Variants in DISC1 observed in about 807,000 individuals in gnomAD.
DISC1 encodes the protein disrupted in schizophrenia 1 protein.
A neutral mutation model predicts 84.5 loss-of-function variants in DISC1; 57 were observed. That is an observed-to-expected ratio of 0.67 (90% CI 0.55 to 0.84). The LOEUF (loss-of-function observed/expected upper bound fraction) is 0.84. Ranked by LOEUF, DISC1 falls within the 40% of genes least tolerant of loss-of-function variation. The probability of loss-of-function intolerance (pLI) is 0.00; values close to 1 mark genes in which losing one functional copy is unlikely to be tolerated. For missense variants in DISC1, 1,000 were observed against 1,057.8 expected, an observed-to-expected ratio of 0.95 and a Z score of 0.76; for synonymous variants, 411 against 415.2, an observed-to-expected ratio of 0.99 and a Z score of 0.12.
intron 3 of DISC1, among the ~76,000 whole-genome samples, chr1:231,739,145 T>A (rs1420464482): frequency 1.3e-5 from 2 of 152,218 alleles, no homozygotes; most frequent in Non-Finnish European, 2.9e-5. Context: ...AATGCACTCA[T>A]ATGCTTCCTT....
intron 10 of DISC1, among the ~76,000 whole-genome samples, chr1:231,967,606 G>A (rs937532950): frequency 4.6e-5 from 7 of 151,950 alleles, no homozygotes; most frequent in South Asian, 2.1e-4. Context: ...ATTCACTGTC[G>A]GATTTATACA....
At chr1:232,026,926 T>C (rs536855878) in intron 12 of DISC1, among the ~76,000 whole-genome samples, 1 of 152,158 alleles carries the variant, frequency 6.6e-6, no homozygotes, top group East Asian at 1.9e-4. Flanking sequence ...TTTTTTTGTA[T>C]TTTTAGTAGA....
At chr1:231,657,373 C>G (rs2125336017) in intron 1 of DISC1, among the ~76,000 whole-genome samples, 1 of 152,310 alleles carries the variant, frequency 6.6e-6, no homozygotes, top group Non-Finnish European at 1.5e-5. Flanking sequence ...TTGCATTTCT[C>G]TAATGATCAG....
intron 6 of DISC1, among the ~76,000 whole-genome samples, chr1:231,785,665 C>T (rs1311735152): frequency 6.6e-6 from 1 of 152,108 alleles, no homozygotes; most frequent in Non-Finnish European, 1.5e-5. Flanking sequence ...CTCTTTCCAT[C>T]ATTTGTAGTT....
intron 10 of DISC1, among the ~76,000 whole-genome samples, chr1:231,987,219 G>A (rs1664570642): frequency 6.6e-6 from 1 of 152,226 alleles, no homozygotes; most frequent in Non-Finnish European, 1.5e-5. Context: ...GATACTTTGT[G>A]TACTGGGGAT....
At chr1:231,790,344 A>C (rs2078237623) in intron 6 of DISC1, among the ~76,000 whole-genome samples, 1 of 152,122 alleles carries the variant, frequency 6.6e-6, no homozygotes, top group Non-Finnish European at 1.5e-5. Flanking sequence ...GGTGGCTTAG[A>C]CAACAGAAAT....
chr1:231,710,684 G>A (rs1244045812), intron 3 of DISC1, among the ~76,000 whole-genome samples: 1 of 152,142 alleles, frequency 6.6e-6, no homozygotes, highest in African/African-American at 2.4e-5. Flanking sequence ...TTCTCCTTGT[G>A]TCTTCACACA....
At chr1:232,030,468 G>A (rs1390108806) in intron 12 of DISC1, among the ~76,000 whole-genome samples, 5 of 152,186 alleles carry the variant, frequency 3.3e-5, no homozygotes, top group Non-Finnish European at 5.9e-5. Flanking sequence ...AGTCATAGAC[G>A]AGGTAGAGAC....
chr1:231,864,799 T>A (rs373456342), intron 9 of DISC1, among the ~76,000 whole-genome samples: 32 of 152,372 alleles, frequency 2.1e-4, no homozygotes, highest in African/African-American at 7.7e-4. Flanking sequence ...TCTTGTATAT[T>A]GTTCCTTCCA....
intron 3 of DISC1, among the ~76,000 whole-genome samples, chr1:231,749,590 A>G (rs921262672): frequency 6.6e-6 from 1 of 152,198 alleles, no homozygotes; most frequent in African/African-American, 2.4e-5. Flanking sequence ...CACCAAAATT[A>G]TAGTTTTTTT....
rs572507033 is a variant in DISC1 at position 231,916,906 on chromosome 1, G to A, written c.1982-41922G>A. On this transcript the variant is annotated intron_variant, in intron 9 of 12. Transcript: ENST00000439617. The stretch of plus-strand genomic sequence containing the variant: ...GTGCACCTAGAAACCTTCCCTGCTG[G>A]GATCTTGTCCCTTGAGCTCCTCCTC... Among the ~76,000 whole-genome samples the A allele has an allele frequency of 3.3e-5, 5 of 152,188 alleles. No homozygotes were observed. In the East Asian group the frequency reaches 9.7e-4, roughly 29 times the overall value.
chr1:231,835,542 T>G (rs2082569684), intron 9 of DISC1, among the ~76,000 whole-genome samples: 1 of 152,110 alleles, frequency 6.6e-6, no homozygotes, highest in East Asian at 1.9e-4. Flanking sequence ...CATTTTCACT[T>G]CTTTTGTGGT....
chr1:231,654,142 T>G (rs2060864498), intron 1 of DISC1, among the ~76,000 whole-genome samples: 4 of 152,184 alleles, frequency 2.6e-5, no homozygotes, highest in Admixed American at 6.5e-5. Flanking sequence ...ACGTTTGAAG[T>G]GATTGCAGGG....
intron 11 of DISC1, among the ~76,000 whole-genome samples, chr1:232,020,096 C>T (rs999816298): frequency 1.3e-5 from 2 of 152,166 alleles, no homozygotes; most frequent in Non-Finnish European, 2.9e-5. Context: ...AATCCCAGCA[C>T]TTTGGGGGGC....
intron 9 of DISC1, among the ~76,000 whole-genome samples, chr1:231,916,503 A>T (rs1476333181): frequency 1.3e-5 from 2 of 151,526 alleles, no homozygotes; most frequent in Admixed American, 6.6e-5. Flanking sequence ...AAATACAAAA[A>T]AATTAGCCGG....
intron 4 of DISC1, among the ~76,000 whole-genome samples, chr1:231,764,354 G>A (rs1485487590): frequency 1.3e-5 from 2 of 152,160 alleles, no homozygotes; most frequent in Non-Finnish European, 2.9e-5. Context: ...TTATGTTACA[G>A]TTGTAAAAAT....
chr1:231,953,556 A>T (rs979143676), intron 9 of DISC1, among the ~76,000 whole-genome samples: 1 of 152,198 alleles, frequency 6.6e-6, no homozygotes, highest in East Asian at 1.9e-4. Context: ...ATATTTGAAA[A>T]TTTCTCAGAG....
chr1:231,721,159 G>T, intron 3 of DISC1: 3 of 1,198,444 alleles, frequency 2.5e-6, no homozygotes, highest in Non-Finnish European at 3.3e-6. Context: ...GCTGATGAAA[G>T]AAACAGAGGA....
chr1:231,723,007 A>G (rs2070063858), intron 3 of DISC1: 1 of 1,115,562 alleles, frequency 9.0e-7, no homozygotes, highest in Admixed American at 4.6e-5. Flanking sequence ...CTTTAGGACA[A>G]TTATGAAGGA....
Sources: allele counts gnomAD v4.1 joint callset (sites outside exome capture counted in the v4.1 genomes callset), GRCh38; gene constraint gnomAD v4.1.1; transcripts MANE v1.5; gene names NCBI Gene and HGNC (gene_info 2026-07-23, HGNC 2026-07-21).